The following KIAA1217 variants were observed in gnomAD, a reference collection of about 807,000 sequenced individuals.
KIAA1217 encodes KIAA1217.
In KIAA1217, 88 loss-of-function variants were observed where a neutral mutation model predicts 163.9. The observed-to-expected ratio is 0.54, with a 90% confidence interval of 0.45 to 0.64. The LOEUF (loss-of-function observed/expected upper bound fraction) is 0.64. Among genes scored for constraint, KIAA1217 ranks in the 30% least tolerant of loss-of-function variants. The pLI is 0.00. For synonymous variants in KIAA1217, 903 were observed against 923.1 expected (o/e 0.98, Z 0.39); for missense variants, 2,372 against 2,475.0 (o/e 0.96, Z 0.88).
intron 2 of KIAA1217, among the ~76,000 whole-genome samples, chr10:24,379,279 T>C (rs1351084182): frequency 6.6e-6 from 1 of 152,206 alleles, no homozygotes; most frequent in African/African-American, 2.4e-5. Flanking sequence ...CAAATACTTG[T>C]AATGTGTGTC....
intron 1 of KIAA1217, among the ~76,000 whole-genome samples, chr10:23,806,823 G>T (rs1003935841): frequency 6.6e-6 from 1 of 152,162 alleles, no homozygotes; most frequent in Non-Finnish European, 1.5e-5. Flanking sequence ...TTGCTATGTG[G>T]TATAAAATGA....
chr10:24,221,097 A>G (rs1025713705), intron 2 of KIAA1217, among the ~76,000 whole-genome samples: 2 of 152,092 alleles, frequency 1.3e-5, no homozygotes, highest in African/African-American at 4.8e-5. Context: ...CTCCTTCTGC[A>G]TGCGTTGCTT....
intron 2 of KIAA1217, among the ~76,000 whole-genome samples, chr10:24,315,937 G>T (rs894881290): frequency 4.1e-5 from 6 of 146,982 alleles, no homozygotes; most frequent in Non-Finnish European, 7.5e-5. Flanking sequence ...AATGGGGGGG[G>T]GGAATCCAAG....
At chr10:24,386,830 T>A (rs373342864) in intron 3 of KIAA1217, among the ~76,000 whole-genome samples, 2 of 152,286 alleles carry the variant, frequency 1.3e-5, no homozygotes, top group Admixed American at 6.5e-5. Flanking sequence ...CCTCCCACAT[T>A]GGCCTCTTAA....
chr10:24,415,489 G>GA (rs200031919), intron 3 of KIAA1217, among the ~76,000 whole-genome samples: 17 of 147,066 alleles, frequency 1.2e-4, no homozygotes, highest in East Asian at 9.9e-4. Context: ...TGCTCTTGGG[G>GA]AAAAAAAAAA....
intron 9 of KIAA1217, among the ~76,000 whole-genome samples, chr10:24,508,036 T>G (rs772501843): frequency 6.6e-6 from 1 of 152,154 alleles, no homozygotes; most frequent in Admixed American, 6.6e-5. Context: ...GAAGCCTGCA[T>G]TACCCTAAGA....
rs1554918365 is a variant in KIAA1217, at chr10:24,511,172, A to AAAAAAAAAAAAAAAAAAG, written c.2002-2086_2002-2085insAAAAAAAAAAAAAAAAGA. ...TGTCTCAAAAAAAAAAAAAAAAAAA[A>AAAAAAAAAAAAAAAAAAG]AGGAGCCTGGCCCCTATGAAGAACT... On this transcript the variant is annotated intron_variant, in intron 9 of 20. Coordinates refer to ENST00000376454, the MANE Select transcript of KIAA1217 (RefSeq NM_019590.5). 5.5e-4 allele frequency among the ~76,000 whole-genome samples: 64 copies of AAAAAAAAAAAAAAAAAAG among 115,672 alleles called. 4 individuals are homozygous for AAAAAAAAAAAAAAAAAAG. Among genetic ancestry groups the AAAAAAAAAAAAAAAAAAG allele is most frequent in the African/African-American group, 2.2e-3 (60 of 27,114 alleles). 75.9% of individuals were successfully genotyped at this position (115,672 alleles called of 152,430 possible). A position where few individuals can be genotyped will look rare whatever the true frequency, so the allele number is the denominator to read the frequency against.
At position 24,226,392 on chromosome 10, in the gene KIAA1217, T is replaced by C. The variant is rs1220969331; in HGVS notation, c.354+6483T>C. ...CTGCAGTCCCAACACTTTGGGAGGC[T>C]AAGGCGGGCAGATCACGAGGTCAGG... On this transcript the variant is annotated intron_variant, in intron 2 of 20. Transcript: ENST00000376454. Among the ~76,000 whole-genome samples, 15 of 151,888 alleles carry C rather than the reference T, an allele frequency of 9.9e-5. No individual in the cohort carries two copies. In the East Asian group the frequency reaches 2.3e-3, roughly 24 times the overall value.
chr10:23,992,435 C>T (rs957631239), intron 1 of KIAA1217, among the ~76,000 whole-genome samples: 1 of 151,948 alleles, frequency 6.6e-6, no homozygotes, highest in Non-Finnish European at 1.5e-5. Context: ...AGAATGAGAC[C>T]CAAGAGTAAC....
chr10:23,795,817 G>C (rs532347300), intron 1 of KIAA1217, among the ~76,000 whole-genome samples: 3 of 152,200 alleles, frequency 2.0e-5, no homozygotes, highest in African/African-American at 7.2e-5. Context: ...TCATCTTCTG[G>C]GGGTCCAGAT....
intron 1 of KIAA1217, among the ~76,000 whole-genome samples, chr10:23,990,973 A>C (rs376078147): frequency 4.6e-5 from 7 of 152,230 alleles, no homozygotes; most frequent in Admixed American, 4.6e-4. Context: ...CAAGTGAGAT[A>C]AAGTGACAAT....
intron 1 of KIAA1217, among the ~76,000 whole-genome samples, chr10:23,961,869 A>G (rs1488227668): frequency 6.6e-6 from 1 of 152,108 alleles, no homozygotes; most frequent in East Asian, 1.9e-4. Context: ...GGTGCTCGTC[A>G]TCTCCCTCTC....
intron 1 of KIAA1217, among the ~76,000 whole-genome samples, chr10:24,006,539 C>A (rs1444499480): frequency 6.6e-6 from 1 of 152,122 alleles, no homozygotes; most frequent in Non-Finnish European, 1.5e-5. Context: ...GTTGCAATGT[C>A]AAGTTCATTC....
intron 2 of KIAA1217, among the ~76,000 whole-genome samples, chr10:24,331,388 C>T (rs1281286220): frequency 1.3e-5 from 2 of 152,226 alleles, no homozygotes; most frequent in African/African-American, 4.8e-5. Context: ...GGCTAAAAAG[C>T]AGCAGCATTA....
intron 2 of KIAA1217, among the ~76,000 whole-genome samples, chr10:24,089,829 G>A (rs1004706548): frequency 2.0e-4 from 31 of 151,992 alleles, no homozygotes; most frequent in Middle Eastern, 3.4e-3. Flanking sequence ...CATGCTCATG[G>A]ATAGGAAGAA....
At chr10:24,266,106 T>TCTCA (rs1272219778) in intron 2 of KIAA1217, among the ~76,000 whole-genome samples, 4 of 147,368 alleles carry the variant, frequency 2.7e-5, no homozygotes, top group African/African-American at 7.6e-5. Flanking sequence ...TGAGACGGAG[T>TCTCA]CTCACCCTGT....
chr10:24,258,793 C>T (rs1417056510), intron 2 of KIAA1217, among the ~76,000 whole-genome samples: 1 of 152,048 alleles, frequency 6.6e-6, no homozygotes, highest in African/African-American at 2.4e-5. Context: ...CGGGGTTTCA[C>T]CGTGTTAGCC....
chr10:24,405,700 T>G (rs2057134605), intron 3 of KIAA1217, among the ~76,000 whole-genome samples: 1 of 152,216 alleles, frequency 6.6e-6, no homozygotes, highest in Admixed American at 6.5e-5. Context: ...GTCTCTATTA[T>G]AATTCTGAAA....
chr10:23,697,632 T>G (rs981556746), intron 1 of KIAA1217, among the ~76,000 whole-genome samples: 4 of 151,718 alleles, frequency 2.6e-5, no homozygotes, highest in African/African-American at 9.7e-5. Context: ...CACTGTGGGA[T>G]GCTGAGGTGG....
Sources: gnomAD v4.1 joint callset for allele counts (sites outside exome capture counted in the v4.1 genomes callset) on GRCh38, gnomAD v4.1.1 for gene constraint, MANE v1.5 for transcripts, NCBI Gene and HGNC (gene_info 2026-07-23, HGNC 2026-07-21) for gene names.